ALKBH2: variants seen among roughly 807,000 people sequenced by gnomAD.
The protein encoded by ALKBH2 is alkB homolog 2, alpha-ketoglutarate dependent dioxygenase, also known as DNA oxidative demethylase ALKBH2.
In ALKBH2, 19 loss-of-function variants were observed where a neutral mutation model predicts 19.7. That is an observed-to-expected ratio of 0.97 (90% CI 0.67 to 1.42). The LOEUF is 1.42. Among genes scored for constraint, ALKBH2 ranks in the 40% most tolerant of loss-of-function variants. The probability of loss-of-function intolerance (pLI) is 0.00; values close to 1 mark genes in which losing one functional copy is unlikely to be tolerated. For missense variants in ALKBH2, 310 were observed against 328.5 expected (o/e 0.94, Z 0.43); for synonymous variants, 135 against 131.2 (o/e 1.03, Z -0.20).
chr12:109,089,939 G>C, intron 3 of ALKBH2, 70 bp downstream of exon 3: 1 of 1,536,490 alleles, frequency 6.5e-7, no homozygotes, highest in South Asian at 1.1e-5. Flanking sequence ...AAATAGGGTG[G>C]AACCCTAAAC....
intron 2 of ALKBH2, among the ~76,000 whole-genome samples, chr12:109,091,536 T>TTTTTG (rs748682751): frequency 1.3e-4 from 19 of 151,634 alleles, no homozygotes; most frequent in African/African-American, 3.4e-4. Context: ...GGGCTTTCGT[T>TTTTTG]TTTTGTTTTG....
In ALKBH2 at chr12:109,092,788, C is replaced by A; in HGVS notation, c.-2G>T. The A allele has an allele frequency of 6.2e-7, 1 of 1,609,300 alleles. No individual in the cohort carries two copies. On this transcript the variant is annotated 5_prime_UTR_variant, in exon 2 of 4. In the 5' UTR this introduces an upstream ATG that the reference lacks. Transcript: ENST00000429722. The stretch of plus-strand genomic sequence containing the variant: ...CCCTTTCACCAGGAATCTGTCCATC[C>A]TGTCCCCACAGGAAAGAAGGGACGT...
rs981033496 is a variant in ALKBH2, at chr12:109,092,839, G to T, written c.-53C>A. On this transcript the variant is annotated 5_prime_UTR_variant, in exon 2 of 4. Transcript: ENST00000429722. Reference sequence around the variant, plus strand: ...CAGTGGCGAGGCCAAGACAGAAATTGCTCAAGTTCTATCCCCAGTGCAAAA... The same window carrying T: ...CAGTGGCGAGGCCAAGACAGAAATTTCTCAAGTTCTATCCCCAGTGCAAAA... The T allele has an allele frequency of 1.3e-6, 2 of 1,549,918 alleles. No individual in the cohort carries two copies. Among genetic ancestry groups the T allele is most frequent in the Non-Finnish European group, 1.7e-6 (2 of 1,152,236 alleles).
Position 109,092,204 on chromosome 12 carries a change from A to G in ALKBH2, c.280+303T>C, listed in dbSNP as rs148196147. The G allele has an allele frequency of 1.3e-3, 359 of 275,060 alleles. 3 individuals carry two copies. Among genetic ancestry groups the G allele is most frequent in the African/African-American group, 7.5e-3 (345 of 45,708 alleles). The allele number at this position is 275,060 out of a possible 1,614,324, so 17.0% of individuals were successfully genotyped here. A position where few individuals can be genotyped will look rare whatever the true frequency, so the allele number is the denominator to read the frequency against. On this transcript the variant is annotated intron_variant, in intron 2 of 3. Coordinates refer to ENST00000429722, the MANE Select transcript of ALKBH2 (RefSeq NM_001145374.2). ...ATTGAAGTGCTCTGCAGTAGAACCC[A>G]GCACGTTTTTTTACTTTGTTTTGTA... is the stretch of plus-strand genomic sequence containing the variant.
In ALKBH2 at chr12:109,090,011, G is replaced by A; in HGVS notation, c.477C>T (p.Asn159=). ...TGQTFNFVLI[N]RYKDGCDHIG... ...GAGTCCACTAAACAGGGTGTCACCT[G>A]TTGATGAGCACAAAGTTGAAGGTCT... is the stretch of plus-strand genomic sequence containing the variant. The change falls in exon 3 of 4, where the codon AAC becomes AAT. Residue 159 remains asparagine (N), a splice_region_variant and synonymous_variant. Transcript: ENST00000429722. 6.2e-7 allele frequency: 1 copy of A among 1,614,160 alleles called. No homozygotes were observed. Among genetic ancestry groups the A allele is most frequent in the Non-Finnish European group, 8.5e-7 (1 of 1,180,018 alleles).
intron 2 of ALKBH2, among the ~76,000 whole-genome samples, chr12:109,091,281 G>A (rs1338100851): frequency 6.6e-6 from 1 of 152,142 alleles, no homozygotes; most frequent in African/African-American, 2.4e-5. Context: ...AGTTACTTAG[G>A]ATGCTGAGGT....
Position 109,089,950 on chromosome 12 carries a change from A to C in ALKBH2, c.479+59T>G, listed in dbSNP as rs1350392958. The C allele has an allele frequency of 3.8e-6, 6 of 1,589,166 alleles. No homozygotes were observed. In the African/African-American group the frequency reaches 8.1e-5, roughly 21 times the overall value. On this transcript the variant is annotated intron_variant, in intron 3 of 3. Coordinates refer to ENST00000429722, the MANE Select transcript of ALKBH2 (RefSeq NM_001145374.2). The stretch of plus-strand genomic sequence containing the variant: ...AACCAAATAGGGTGGAACCCTAAAC[A>C]CTTCCTTTTGGAGGAGACAGAAGAC...
chr12:109,090,414 G>A (rs1401976579), intron 2 of ALKBH2, among the ~76,000 whole-genome samples: 1 of 152,126 alleles, frequency 6.6e-6, no homozygotes, highest in African/African-American at 2.4e-5. Flanking sequence ...ATTTTGGCTT[G>A]CCCCAAATTT....
chr12:109,089,318 C>T (rs2135859529), intron 3 of ALKBH2, among the ~76,000 whole-genome samples: 1 of 152,302 alleles, frequency 6.6e-6, no homozygotes, highest in South Asian at 2.1e-4. Context: ...CCTCAGCCCT[C>T]CTCTAACCAC....
Position 109,092,952 on chromosome 12 carries a change from G to T in ALKBH2, c.-151-15C>A. On this transcript the variant is annotated splice_polypyrimidine_tract_variant and intron_variant, in intron 1 of 3. Coordinates refer to ENST00000429722, the MANE Select transcript of ALKBH2 (RefSeq NM_001145374.2). ...AAAACCATGTCCTAGAAAGGAAACA[G>T]AAGATGTTAAAGCCGGAAGGGACCC... The T allele has an allele frequency of 7.0e-7, 1 of 1,424,684 alleles. No individual in the cohort carries two copies. The highest frequency in any genetic ancestry group is 9.1e-7 in the Non-Finnish European group (1 of 1,095,306). The allele number at this position is 1,424,684 out of a possible 1,614,324, so 88.3% of individuals were successfully genotyped here.
At position 109,092,557 on chromosome 12, in the gene ALKBH2, T is replaced by G; in HGVS notation, c.230A>C (p.Glu77Ala). The G allele has an allele frequency of 1.2e-6, 2 of 1,606,460 alleles. No homozygotes were observed. The highest frequency in any genetic ancestry group is 1.7e-6 in the Non-Finnish European group (2 of 1,175,790). Reference sequence around the variant, plus strand: ...CAACTCTTGGAAAATCTCATCTGCCTCAGCTTTGCCAAACAGGACTGTGTA... The same window carrying G: ...CAACTCTTGGAAAATCTCATCTGCCGCAGCTTTGCCAAACAGGACTGTGTA... Reference protein sequence around the residue: ...CSYTVLFGKAEADEIFQELEK... With the variant: ...CSYTVLFGKAAADEIFQELEK... Residue 77 changes from glutamate to alanine, a missense_variant, in exon 2 of 4, where the codon GAG (glutamate) becomes GCG (alanine). Transcript: ENST00000429722.
In ALKBH2 at chr12:109,092,733, C is replaced by T. The variant is rs1455224470; in HGVS notation, c.54G>A (p.Glu18=). Residue 18 remains glutamate, a synonymous_variant, in exon 2 of 4, where the codon GAG becomes GAA. Coordinates refer to ENST00000429722, the MANE Select transcript of ALKBH2 (RefSeq NM_001145374.2). ...GAQGGLLRKQ[E]EQEPTGEEPA... ...GCTCTTCTCCAGTTGGCTCTTGCTCCTCCTGCTTCCTCAAAAGGCCCCCTT... is the reference window on the plus strand; with the variant it reads ...GCTCTTCTCCAGTTGGCTCTTGCTCTTCCTGCTTCCTCAAAAGGCCCCCTT... The T allele has an allele frequency of 6.2e-7, 1 of 1,614,108 alleles. No individual in the cohort carries two copies. The highest frequency in any genetic ancestry group is 2.2e-5 in the East Asian group (1 of 44,882).
Position 109,088,644 on chromosome 12 carries a change from G to A in ALKBH2, c.480-132C>T, listed in dbSNP as rs1402342742. The A allele has an allele frequency of 4.9e-6, 4 of 810,374 alleles. No homozygotes were observed. The highest frequency in any genetic ancestry group is 7.6e-6 in the Non-Finnish European group (4 of 527,584). The allele number at this position is 810,374 out of a possible 1,614,324, so 50.2% of individuals were successfully genotyped here. On this transcript the variant is annotated intron_variant, in intron 3 of 3. Coordinates refer to ENST00000429722, the MANE Select transcript of ALKBH2 (RefSeq NM_001145374.2). The surrounding 1 kb of genome is among the most constrained non-coding windows in gnomAD (Gnocchi z 4.2). Reference sequence around the variant, plus strand: ...CTGTACCTGCCGTTGTTTCTGCGAGGGCTTGAGGTCCACAGTGGGCTCTAA... The same window carrying A: ...CTGTACCTGCCGTTGTTTCTGCGAGAGCTTGAGGTCCACAGTGGGCTCTAA...
chr12:109,089,377 G>A lies in ALKBH2; in HGVS notation c.479+632C>T, dbSNP rs190876761. Among the ~76,000 whole-genome samples the A allele has an allele frequency of 4.9e-4, 74 of 152,188 alleles. No homozygotes were observed. The East Asian group carries it at 0.012, about 25-fold the overall frequency. On this transcript the variant is annotated intron_variant, in intron 3 of 3. Coordinates refer to ENST00000429722, the MANE Select transcript of ALKBH2 (RefSeq NM_001145374.2). ...AAACCCACCCAGGGTTCTCCACCAG[G>A]GTGATTCTGCCCCAGGGGACAGGTA...
rs754348754 is a variant in ALKBH2 at position 109,090,063 on chromosome 12, C to A, written c.425G>T (p.Arg142Leu). 1 of 1,614,070 alleles carries A rather than the reference C, an allele frequency of 6.2e-7. No individual in the cohort carries two copies. The change falls in exon 3 of 4, where the codon CGG (arginine) becomes CTG (leucine). Residue 142 changes from arginine (R) to leucine (L), a missense_variant. Physicochemically the swap from Arg to Leu is moderately radical, Grantham distance 102. Transcript: ENST00000429722. ...KPWIPVLERI[R>L]DHVSGVTGQT... ...TCCAGTCACCCCAGAGACGTGATCCCGGATGCGCTCTAGAACTGGGATCCA... is the reference window on the plus strand; with the variant it reads ...TCCAGTCACCCCAGAGACGTGATCCAGGATGCGCTCTAGAACTGGGATCCA...
At chr12:109,089,630 A>C in intron 3 of ALKBH2, 1 of 245,664 alleles carries the variant, frequency 4.1e-6, no homozygotes, top group South Asian at 5.7e-5. Flanking sequence ...GAAATCGTCT[A>C]GGGTCAGGCA....
chr12:109,089,874 G>A (rs1416224399), intron 3 of ALKBH2, 135 bp downstream of exon 3: 68 of 895,050 alleles, frequency 7.6e-5, no homozygotes, highest in Middle Eastern at 3.2e-4. Flanking sequence ...GAGTGCTGGC[G>A]CTATTCCACT....
At position 109,092,513 on chromosome 12, in the gene ALKBH2, A is replaced by T; in HGVS notation, c.274T>A (p.Phe92Ile). Residue 92 changes from phenylalanine (F) to isoleucine (I), a missense_variant, in exon 2 of 4, where the codon TTT becomes ATT. By Grantham distance (21) the Phe-to-Ile change is conservative (BLOSUM62 0). Transcript: ENST00000429722. ...FQELEKEVEY[F>I]TGALARVQVF... ...CACACACCCCTCTGCTTACCTGTAA[A>T]ATATTCTACTTCTTTCTCCAACTCT... 1 of 1,577,540 alleles carries T rather than the reference A, an allele frequency of 6.3e-7. No homozygotes were observed.
In ALKBH2 at chr12:109,092,679, G is replaced by A; in HGVS notation, c.108C>T (p.Ser36=). The change falls in exon 2 of 4, where the codon AGC becomes AGT. Residue 36 remains serine, a synonymous_variant. Transcript: ENST00000429722. ...CCTCTCTCCTGGGCCTCTTCCTTGT[G>A]CTTTCTTTGTCTCCTCCCAACACAG... is the stretch of plus-strand genomic sequence containing the variant. The part of the protein sequence containing the change: ...EPAVLGGDKE[S]TRKRPRREAP... The A allele has an allele frequency of 6.2e-7, 1 of 1,614,152 alleles. No homozygotes were observed. The highest frequency in any genetic ancestry group is 8.5e-7 in the Non-Finnish European group (1 of 1,180,022).
Sources: allele counts gnomAD v4.1 joint callset (sites outside exome capture counted in the v4.1 genomes callset), GRCh38; gene constraint gnomAD v4.1.1; non-coding constraint Gnocchi (gnomAD v3.1); transcripts MANE v1.5; gene names NCBI Gene and HGNC (gene_info 2026-07-23, HGNC 2026-07-21).